Variants in ANXA2 observed in about 807,000 individuals in gnomAD.
The protein encoded by ANXA2 is annexin II.
A neutral mutation model predicts 47.3 loss-of-function variants in ANXA2; 28 were observed. That is an observed-to-expected ratio of 0.59 (90% CI 0.44 to 0.81). The LOEUF (loss-of-function observed/expected upper bound fraction) is 0.81, where lower values mean the gene tolerates loss of function less well. ANXA2 is among the 40% of genes least tolerant of loss of function. The pLI is 0.00. For synonymous variants in ANXA2, 172 were observed against 155.5 expected (o/e 1.11, Z -0.79); for missense variants, 384 against 414.3 (o/e 0.93, Z 0.64).
intron 12 of ANXA2, among the ~76,000 whole-genome samples, 163 bp downstream of exon 12, chr15:60,348,912 T>C (rs917361245): frequency 6.6e-6 from 1 of 152,132 alleles, no homozygotes; most frequent in Non-Finnish European, 1.5e-5. Flanking sequence ...AAATCACAAA[T>C]GGTGCTTTCA....
intron 1 of ANXA2, chr15:60,393,438 C>T (rs2063040578): frequency 2.0e-6 from 2 of 1,003,042 alleles, no homozygotes; most frequent in Middle Eastern, 5.0e-4. Context: ...AGGGCCTGGC[C>T]GCCTACAGAA....
intron 6 of ANXA2, among the ~76,000 whole-genome samples, chr15:60,356,385 T>C (rs577075757): frequency 6.6e-6 from 1 of 152,204 alleles, no homozygotes; most frequent in African/African-American, 2.4e-5. Context: ...TACTGTCCAC[T>C]GAGAAAATGC....
chr15:60,364,701 ACT>A (rs1307765138), intron 3 of ANXA2, among the ~76,000 whole-genome samples, 178 bp from the exon 4 acceptor site: 3 of 151,964 alleles, frequency 2.0e-5, no homozygotes, highest in Non-Finnish European at 4.4e-5. Flanking sequence ...CAATGTGTAC[ACT>A]CTCTTTCCTT....
chr15:60,369,632 C>A (rs1451346770), intron 3 of ANXA2, among the ~76,000 whole-genome samples: 2 of 152,210 alleles, frequency 1.3e-5, no homozygotes, highest in Non-Finnish European at 2.9e-5. Flanking sequence ...ATTAAAAACA[C>A]AGTCCCTTAG....
chr15:60,367,025 G>C (rs2062626848), intron 3 of ANXA2, among the ~76,000 whole-genome samples: 1 of 86,490 alleles, frequency 1.2e-5, no homozygotes, highest in African/African-American at 5.1e-5. Flanking sequence ...GGGAGGTGGG[G>C]GGTCAGCCCC....
At chr15:60,363,109 A>T (rs2062543158) in intron 4 of ANXA2, 1 of 150,552 alleles carries the variant, frequency 6.6e-6, no homozygotes, top group South Asian at 2.1e-4. Flanking sequence ...TTCCAAGACC[A>T]TACTCTGTGA....
intron 1 of ANXA2, among the ~76,000 whole-genome samples, chr15:60,387,716 T>C (rs556446067): frequency 2.0e-5 from 3 of 152,330 alleles, no homozygotes; most frequent in Admixed American, 1.3e-4. Context: ...TGAATGCTAA[T>C]GTAAACGATG....
At chr15:60,386,878 A>C (rs2062940401) in intron 1 of ANXA2, 1 of 152,234 alleles carries the variant, frequency 6.6e-6, no homozygotes, top group Non-Finnish European at 1.5e-5. Flanking sequence ...GAGACAAGAC[A>C]GGTCATCAAC....
chr15:60,371,333 G>A (rs1195226578), intron 3 of ANXA2, among the ~76,000 whole-genome samples: 2 of 152,188 alleles, frequency 1.3e-5, no homozygotes, highest in Admixed American at 6.5e-5. Context: ...GAAACCTGGG[G>A]GTCATGGGTC....
chr15:60,372,580 G>C (rs1484602351), intron 3 of ANXA2, among the ~76,000 whole-genome samples: 7 of 152,060 alleles, frequency 4.6e-5, no homozygotes, highest in Non-Finnish European at 1.5e-5. Flanking sequence ...CACTCTGTGG[G>C]GTTACATGTT....
At chr15:60,390,836 C>T (rs1361773790) in intron 1 of ANXA2, among the ~76,000 whole-genome samples, 1 of 152,304 alleles carries the variant, frequency 6.6e-6, no homozygotes, top group South Asian at 2.1e-4. Context: ...ATCTATTATT[C>T]GCTGGAAGGA....
At position 60,391,984 on chromosome 15, in the gene ANXA2, G is replaced by A. The variant is rs145896177; in HGVS notation, c.-11-5898C>T. Among the ~76,000 whole-genome samples, 112 of 152,140 alleles carry A rather than the reference G, an allele frequency of 7.4e-4. 1 individual carries two copies. The highest frequency in any genetic ancestry group is 2.6e-3 in the African/African-American group (109 of 41,500). On this transcript the variant is annotated intron_variant, in intron 1 of 12. Transcript: ENST00000451270. ...GCCGTGCCTTCCATTCCCAGGGAGG[G>A]CAGGGTCACTAGACAACATCATTAA...
chr15:60,372,414 C>G (rs1566941520), intron 3 of ANXA2, among the ~76,000 whole-genome samples: 1 of 152,100 alleles, frequency 6.6e-6, no homozygotes, highest in Non-Finnish European at 1.5e-5. Context: ...AACTCTGCCT[C>G]CTGTGATAGA....
At chr15:60,369,722 T>C (rs1364694729) in intron 3 of ANXA2, among the ~76,000 whole-genome samples, 2 of 152,224 alleles carry the variant, frequency 1.3e-5, no homozygotes, top group Non-Finnish European at 2.9e-5. Context: ...TCCCTAGTAA[T>C]TCCTTATTTG....
rs144266352 is a variant in ANXA2, at chr15:60,363,259, T to C, written c.243+1170A>G. On this transcript the variant is annotated intron_variant, in intron 4 of 12. Transcript: ENST00000451270. ...CCCCTCTATGCCTCACTACACAAGA[T>C]TAATACACTTCTAGTGAAAGAAGAA... Among the ~76,000 whole-genome samples the C allele has an allele frequency of 8.4e-3, 1,280 of 152,210 alleles. 14 individuals carry two copies. The highest frequency in any genetic ancestry group is 0.03 in the African/African-American group (1,246 of 41,514).
chr15:60,362,437 A>T (rs1336213272), intron 4 of ANXA2, among the ~76,000 whole-genome samples: 4 of 152,344 alleles, frequency 2.6e-5, no homozygotes, highest in African/African-American at 9.6e-5. Context: ...AATCAAACAT[A>T]ACCCTTCCCT....
chr15:60,364,562 T>C, intron 3 of ANXA2, 39 bp from the exon 4 acceptor site: 3 of 1,529,294 alleles, frequency 2.0e-6, no homozygotes, highest in Non-Finnish European at 2.7e-6. Flanking sequence ...CTCAGTATAC[T>C]CTAGTATTTT....
chr15:60,360,405 A>T (rs1320636700), intron 5 of ANXA2, among the ~76,000 whole-genome samples: 1 of 152,236 alleles, frequency 6.6e-6, no homozygotes, highest in South Asian at 2.1e-4. Context: ...GATAACGTGC[A>T]TTGAGACTTC....
At position 60,397,940 on chromosome 15, in the gene ANXA2, T is replaced by C. The variant is rs969912120; in HGVS notation, c.-12+3A>G. ...GCGGGCGGGCAGGGCGCGCCCCGCTTACCTGGGCCGTGCGCCGAGAGCTGA... is the reference window on the plus strand; with the variant it reads ...GCGGGCGGGCAGGGCGCGCCCCGCTCACCTGGGCCGTGCGCCGAGAGCTGA... On this transcript the variant is annotated splice_donor_region_variant and intron_variant, in intron 1 of 12. Transcript: ENST00000451270. 16 of 1,303,552 alleles carry C rather than the reference T, an allele frequency of 1.2e-5. No individual in the cohort carries two copies. Among genetic ancestry groups the C allele is most frequent in the Middle Eastern group, 2.1e-4 (1 of 4,856 alleles). The allele number at this position is 1,303,552 out of a possible 1,614,324, so 80.7% of individuals were successfully genotyped here.
Sources: gnomAD v4.1 joint callset for allele counts (sites outside exome capture counted in the v4.1 genomes callset) on GRCh38, gnomAD v4.1.1 for gene constraint, MANE v1.5 for transcripts, NCBI Gene and HGNC (gene_info 2026-07-23, HGNC 2026-07-21) for gene names.